KCNJ6: variants seen among roughly 807,000 people sequenced by gnomAD.
KCNJ6 encodes the protein G protein-activated inward rectifier potassium channel 2.
Under a neutral mutation model 34.2 loss-of-function variants are expected in KCNJ6, and 9 were observed. The ratio of observed to expected loss-of-function variants is 0.26; its 90% confidence interval spans 0.16 to 0.46. KCNJ6 has a LOEUF of 0.46. Ranked by LOEUF, KCNJ6 falls within the 20% of genes least tolerant of loss-of-function variation. The probability of loss-of-function intolerance (pLI) is 1.00; values close to 1 mark genes in which losing one functional copy is unlikely to be tolerated. For missense variants in KCNJ6, 236 were observed against 531.3 expected (o/e 0.44, Z 5.46); for synonymous variants, 196 against 207.1 (o/e 0.95, Z 0.46).
At chr21:37,733,704 A>G (rs998732693) in intron 2 of KCNJ6, among the ~76,000 whole-genome samples, 1 of 152,216 alleles carries the variant, frequency 6.6e-6, no homozygotes, top group African/African-American at 2.4e-5. Context: ...TCCTTTTTCT[A>G]GAAAGCAAAT....
At chr21:37,895,641 T>C (rs980131882) in intron 1 of KCNJ6, among the ~76,000 whole-genome samples, 31 of 152,142 alleles carry the variant, frequency 2.0e-4, no homozygotes, top group African/African-American at 7.5e-4. Flanking sequence ...CCCATTAACC[T>C]GCCCTCAGGG....
intron 2 of KCNJ6, among the ~76,000 whole-genome samples, chr21:37,741,468 C>G (rs1003542721): frequency 6.6e-6 from 1 of 152,164 alleles, no homozygotes; most frequent in Non-Finnish European, 1.5e-5. Context: ...ACCATAGTCC[C>G]ACTCAGTGGT....
intron 3 of KCNJ6, among the ~76,000 whole-genome samples, chr21:37,667,181 AAAAT>A: frequency 8.5e-5 from 7 of 82,588 alleles, no homozygotes; most frequent in East Asian, 2.5e-4. Context: ...AAAAAAAAAA[AAAAT>A]TAAATGAGGC....
In KCNJ6 at chr21:37,714,383, C is replaced by T. The variant is rs1227821152; in HGVS notation, c.774G>A (p.Thr258=). The T allele has an allele frequency of 4.3e-6, 7 of 1,614,100 alleles. No individual in the cohort carries two copies. In the South Asian group the frequency reaches 4.4e-5, roughly 10 times the overall value. The part of the protein sequence containing the change: ...SEGEFIPLNQ[T]DINVGYYTGD... ...CCGTGTAATACCCTACGTTGATATC[C>T]GTCTGGTTCAACGGGATGAACTCCC... is the stretch of plus-strand genomic sequence containing the variant. The change falls in exon 3 of 4, where the codon ACG becomes ACA. Residue 258 remains threonine (T), a synonymous_variant. Transcript: ENST00000609713. The surrounding 1 kb of genome is among the most constrained non-coding windows in gnomAD (Gnocchi z 5.9).
intron 2 of KCNJ6, among the ~76,000 whole-genome samples, chr21:37,797,883 AG>A (rs1044542621): frequency 6.6e-6 from 1 of 152,218 alleles, no homozygotes; most frequent in Non-Finnish European, 1.5e-5. Flanking sequence ...GGTCCAGGCA[AG>A]CTCTGAGAAT....
chr21:37,745,010 A>C (rs995836351), intron 2 of KCNJ6, among the ~76,000 whole-genome samples: 3 of 149,924 alleles, frequency 2.0e-5, no homozygotes, highest in African/African-American at 7.3e-5. Flanking sequence ...GAAGAGGGAG[A>C]CAGCAGAAGA....
intron 2 of KCNJ6, among the ~76,000 whole-genome samples, chr21:37,765,226 C>T (rs1231814186): frequency 2.6e-5 from 4 of 152,176 alleles, no homozygotes; most frequent in Non-Finnish European, 5.9e-5. Flanking sequence ...TGCCACTGCA[C>T]ATCTCTTTTA....
chr21:37,854,765 A>G (rs1044592506), intron 1 of KCNJ6, among the ~76,000 whole-genome samples: 1 of 152,376 alleles, frequency 6.6e-6, no homozygotes, highest in Non-Finnish European at 1.5e-5. Flanking sequence ...ATAAATATGA[A>G]CAACCATTAA....
intron 1 of KCNJ6, among the ~76,000 whole-genome samples, chr21:37,875,379 C>T (rs1301402827): frequency 3.9e-5 from 6 of 152,158 alleles, no homozygotes; most frequent in African/African-American, 1.4e-4. Flanking sequence ...ATGCCAAGCT[C>T]GCCCATCCTG....
chr21:37,874,916 G>A (rs368112942), intron 1 of KCNJ6, among the ~76,000 whole-genome samples: 1 of 152,162 alleles, frequency 6.6e-6, no homozygotes, highest in Non-Finnish European at 1.5e-5. Flanking sequence ...TGTGTCCACT[G>A]CTGTGCCCTG....
At chr21:37,769,756 G>A (rs2055108981) in intron 2 of KCNJ6, among the ~76,000 whole-genome samples, 1 of 152,158 alleles carries the variant, frequency 6.6e-6, no homozygotes, top group Admixed American at 6.5e-5. Context: ...ATTCAAAGGT[G>A]GGGCCTTTAA....
Position 37,624,935 on chromosome 21 carries a change from A to T in KCNJ6, c.*224T>A, listed in dbSNP as rs533839321. The T allele has an allele frequency of 4.8e-4, 272 of 568,304 alleles. 1 individual carries two copies. The South Asian group carries it at 6.0e-3, about 13-fold the overall frequency. The allele number at this position is 568,304 out of a possible 1,614,324, so 35.2% of individuals were successfully genotyped here. On this transcript the variant is annotated 3_prime_UTR_variant, in exon 4 of 4. Coordinates refer to ENST00000609713, the MANE Select transcript of KCNJ6 (RefSeq NM_002240.5). ...GGAGACCAGGCTTGGGCCACAAATG[A>T]GGGCACTTTGCACTTTCATCAAATC...
chr21:37,905,746 G>A (rs948028627), intron 1 of KCNJ6, among the ~76,000 whole-genome samples: 6 of 152,156 alleles, frequency 3.9e-5, no homozygotes, highest in Non-Finnish European at 8.8e-5. Context: ...TAAGGCCTCT[G>A]GGAACTGAAG....
At position 37,836,539 on chromosome 21, in the gene KCNJ6, C is replaced by G. The variant is rs758629022; in HGVS notation, c.25+4119G>C. On this transcript the variant is annotated intron_variant, in intron 2 of 3. Coordinates refer to ENST00000609713, the MANE Select transcript of KCNJ6 (RefSeq NM_002240.5). Reference sequence around the variant, plus strand: ...ATAAAGAAAATGTGGCACATATACACCATGGAATACCATGCAGCCATAAAA... The same window carrying G: ...ATAAAGAAAATGTGGCACATATACAGCATGGAATACCATGCAGCCATAAAA... 1.4e-3 allele frequency among the ~76,000 whole-genome samples: 220 copies of G among 152,176 alleles called. 2 individuals carry two copies. Among genetic ancestry groups the G allele is most frequent in the Non-Finnish European group, 2.3e-3 (157 of 68,034 alleles).
intron 2 of KCNJ6, among the ~76,000 whole-genome samples, chr21:37,801,668 G>C (rs1479981439): frequency 6.6e-6 from 1 of 152,094 alleles, no homozygotes; most frequent in African/African-American, 2.4e-5. Flanking sequence ...AAAGCTGCTG[G>C]AGGCTGAGCC....
intron 3 of KCNJ6, among the ~76,000 whole-genome samples, chr21:37,712,758 TCCTCCTCCCCTG>T (rs1325741062): frequency 1.6e-5 from 1 of 63,576 alleles, no homozygotes; most frequent in African/African-American, 5.3e-5. Context: ...TTCCTCCCCT[TCCTCCTCCCCTG>T]CCTTCCCTTC....
intron 1 of KCNJ6, among the ~76,000 whole-genome samples, chr21:37,904,891 C>T (rs2055833950): frequency 1.3e-5 from 2 of 152,204 alleles, no homozygotes; most frequent in Non-Finnish European, 2.9e-5. Context: ...TCCCCAAAAA[C>T]ATGCTCTTAA....
intron 2 of KCNJ6, among the ~76,000 whole-genome samples, chr21:37,723,711 CT>C (rs756814124): frequency 2.5e-4 from 38 of 152,092 alleles, no homozygotes; most frequent in Non-Finnish European, 4.9e-4. Context: ...GAGCTAAACA[CT>C]GAGGATTAAT....
At chr21:37,905,832 AACC>A (rs1429422314) in intron 1 of KCNJ6, among the ~76,000 whole-genome samples, 25 of 152,330 alleles carry the variant, frequency 1.6e-4, no homozygotes, top group Non-Finnish European at 1.2e-4. Flanking sequence ...TCAACTGACT[AACC>A]CAAGAAGCTA....
Sources: gnomAD v4.1 joint callset for allele counts (sites outside exome capture counted in the v4.1 genomes callset) on GRCh38, gnomAD v4.1.1 for gene constraint, Gnocchi (gnomAD v3.1) non-coding constraint, MANE v1.5 for transcripts, NCBI Gene and HGNC (gene_info 2026-07-23, HGNC 2026-07-21) for gene names.